Variants in CYRIA observed in about 807,000 individuals in gnomAD.
CYRIA encodes CYFIP related Rac1 interactor A, also known as CYFIP-related Rac1 interactor A.
A neutral mutation model predicts 43.9 loss-of-function variants in CYRIA; 15 were observed. That is an observed-to-expected ratio of 0.34 (90% CI 0.23 to 0.53). The LOEUF is 0.53. CYRIA is among the 20% of genes least tolerant of loss of function. CYRIA has a pLI of 0.94. For missense variants in CYRIA, 236 were observed against 394.2 expected (o/e 0.60, Z 3.40); for synonymous variants, 117 against 136.0 (o/e 0.86, Z 0.97).
At chr2:16,629,822 T>C (rs1388843299) in intron 1 of CYRIA, among the ~76,000 whole-genome samples, 1 of 152,146 alleles carries the variant, frequency 6.6e-6, no homozygotes, top group Admixed American at 6.5e-5. Context: ...CGGGTTACCA[T>C]TCAACACACA....
chr2:16,590,157 T>G (rs901276610), intron 2 of CYRIA, among the ~76,000 whole-genome samples: 1 of 152,150 alleles, frequency 6.6e-6, no homozygotes, highest in African/African-American at 2.4e-5. Context: ...TCTGTCATTC[T>G]TCCATTCCTT....
intron 1 of CYRIA, among the ~76,000 whole-genome samples, chr2:16,635,932 A>G (rs1157734416): frequency 3.9e-5 from 6 of 152,152 alleles, no homozygotes; most frequent in African/African-American, 1.2e-4. Context: ...TGCATTTAGC[A>G]CAAACCACCA....
intron 2 of CYRIA, among the ~76,000 whole-genome samples, chr2:16,612,180 T>A (rs780952015): frequency 3.3e-5 from 5 of 152,148 alleles, no homozygotes; most frequent in Non-Finnish European, 5.9e-5. Context: ...TGTGGCTGAA[T>A]GCATGAAAGA....
At chr2:16,647,714 T>C (rs1484211437) in intron 1 of CYRIA, among the ~76,000 whole-genome samples, 1 of 152,192 alleles carries the variant, frequency 6.6e-6, no homozygotes, top group African/African-American at 2.4e-5. Flanking sequence ...ACTTTCTTTC[T>C]CCTCTGCCTT....
At chr2:16,602,132 C>T (rs573002096) in intron 2 of CYRIA, among the ~76,000 whole-genome samples, 17 of 152,308 alleles carry the variant, frequency 1.1e-4, no homozygotes, top group Middle Eastern at 3.4e-3. Flanking sequence ...ACAACAGCAG[C>T]CCTACCAGGG....
chr2:16,648,327 C>CAA (rs59091239), intron 1 of CYRIA, among the ~76,000 whole-genome samples: 1,985 of 122,152 alleles, frequency 0.016, 38 homozygotes, highest in African/African-American at 0.044. Flanking sequence ...ATGACAACAG[C>CAA]AAAAAAAAAA....
At chr2:16,555,373 C>CA (rs1173140979) in intron 10 of CYRIA, among the ~76,000 whole-genome samples, 2 of 152,010 alleles carry the variant, frequency 1.3e-5, no homozygotes, top group African/African-American at 4.8e-5. Context: ...TGCAATTGTA[C>CA]ATTTCACTTG....
At chr2:16,632,868 G>T (rs914041515) in intron 1 of CYRIA, among the ~76,000 whole-genome samples, 1 of 152,138 alleles carries the variant, frequency 6.6e-6, no homozygotes, top group Non-Finnish European at 1.5e-5. Flanking sequence ...CAAAGCAGGG[G>T]TCATATGATC....
intron 2 of CYRIA, among the ~76,000 whole-genome samples, chr2:16,603,001 C>T (rs533077344): frequency 3.3e-5 from 5 of 152,282 alleles, no homozygotes; most frequent in African/African-American, 1.2e-4. Context: ...CTTCCTGACA[C>T]CAGTCTTGTC....
chr2:16,581,176 T>C (rs929074213), intron 3 of CYRIA, among the ~76,000 whole-genome samples: 14 of 152,102 alleles, frequency 9.2e-5, no homozygotes, highest in African/African-American at 3.4e-4. Flanking sequence ...GCCTACTAGG[T>C]AAAAATATTT....
intron 1 of CYRIA, among the ~76,000 whole-genome samples, chr2:16,651,264 T>C (rs555576572): frequency 6.6e-6 from 1 of 152,234 alleles, no homozygotes; most frequent in African/African-American, 2.4e-5. Flanking sequence ...AGCCTCCTCG[T>C]ACCTGGAGCA....
rs78423874 is a variant in CYRIA at position 16,563,108 on chromosome 2, G to A, written c.298+881C>T. 4.8e-3 allele frequency among the ~76,000 whole-genome samples: 732 copies of A among 152,242 alleles called. 7 individuals carry two copies. The highest frequency in any genetic ancestry group is 0.017 in the African/African-American group (699 of 41,566). ...GCCAGTTCTACCTTGGCCTGCTCTC[G>A]TAAGGAATTGTTTTCCTTCTGTTGA... On this transcript the variant is annotated intron_variant, in intron 5 of 11. Transcript: ENST00000381323.
rs79369008 is a variant in CYRIA, at chr2:16,558,088, A to G, written c.837+1372T>C. 3.0e-3 allele frequency among the ~76,000 whole-genome samples: 451 copies of G among 152,266 alleles called. 5 individuals are homozygous for G. The East Asian group carries it at 0.043, about 15-fold the overall frequency. ...AGGACATCCACACACATGTCCACAC[A>G]AGCATCTATACTAAAAGAAGGTACA... On this transcript the variant is annotated intron_variant, in intron 10 of 11. Transcript: ENST00000381323.
chr2:16,617,105 G>A (rs184375001), intron 2 of CYRIA, among the ~76,000 whole-genome samples: 3 of 152,348 alleles, frequency 2.0e-5, no homozygotes, highest in Non-Finnish European at 4.4e-5. Flanking sequence ...TACAGCAACT[G>A]AAGACAGTTG....
intron 2 of CYRIA, among the ~76,000 whole-genome samples, chr2:16,612,280 AG>A (rs1668631224): frequency 6.6e-6 from 1 of 151,862 alleles, no homozygotes; most frequent in Non-Finnish European, 1.5e-5. Context: ...AGAAAGAAAG[AG>A]GGAAGGAAAG....
rs531507367 is a variant in CYRIA, at chr2:16,650,612, C to G, written c.-167+15168G>C. On this transcript the variant is annotated intron_variant, in intron 1 of 11. Coordinates refer to ENST00000381323, the MANE Select transcript of CYRIA (RefSeq NM_030797.4). This position sits in a 1 kb window ranked among gnomAD's most constrained non-coding sequence, Gnocchi z 4.1. ...CTCCACAAAGCAACCCTAAACATCT[C>G]AGAGAGACTGGATGCTCCTCTCTGG... 2.0e-5 allele frequency among the ~76,000 whole-genome samples: 3 copies of G among 152,332 alleles called. No homozygotes were observed. The highest frequency in any genetic ancestry group is 1.3e-4 in the Admixed American group (2 of 15,306).
intron 10 of CYRIA, among the ~76,000 whole-genome samples, chr2:16,555,557 T>C (rs1251348780): frequency 6.6e-6 from 1 of 152,140 alleles, no homozygotes; most frequent in East Asian, 1.9e-4. Context: ...TGAATAATTT[T>C]ATGCCATTCT....
chr2:16,553,727 G>A (rs1180910737), intron 11 of CYRIA, among the ~76,000 whole-genome samples: 1 of 152,074 alleles, frequency 6.6e-6, no homozygotes, highest in Non-Finnish European at 1.5e-5. Context: ...CCTATATTTT[G>A]CTATCTGGAA....
intron 1 of CYRIA, among the ~76,000 whole-genome samples, chr2:16,624,950 A>G (rs1454642136): frequency 6.6e-6 from 1 of 152,238 alleles, no homozygotes; most frequent in Non-Finnish European, 1.5e-5. Flanking sequence ...AAGAGATACA[A>G]TGCAGAAGCA....
Sources: gnomAD v4.1 joint callset for allele counts (sites outside exome capture counted in the v4.1 genomes callset) on GRCh38, gnomAD v4.1.1 for gene constraint, Gnocchi (gnomAD v3.1) non-coding constraint, MANE v1.5 for transcripts, NCBI Gene and HGNC (gene_info 2026-07-23, HGNC 2026-07-21) for gene names.